The following RBMS2 variants were observed in gnomAD, a reference collection of about 807,000 sequenced individuals.
RBMS2 encodes the protein RNA-binding motif, single-stranded-interacting protein 2.
In RBMS2, 38 loss-of-function variants were observed where a neutral mutation model predicts 58.4. The ratio of observed to expected loss-of-function variants is 0.65; its 90% CI spans 0.50 to 0.85. The LOEUF is 0.85. Ranked by LOEUF, RBMS2 falls within the 40% of genes least tolerant of loss-of-function variation. RBMS2 has a pLI of 0.00. For missense variants in RBMS2, 367 were observed against 503.7 expected (o/e 0.73, Z 2.60); for synonymous variants, 151 against 180.7 (o/e 0.84, Z 1.32).
rs549785279 is a variant in RBMS2 at position 56,595,901 on chromosome 12, G to C, written c.*6768G>C. ...CCGTCTCCCCCTCAGGTGTGTAGAA[G>C]GGAAGATGAATACACAGAGTCTTTT... On this transcript the variant is annotated 3_prime_UTR_variant, in exon 14 of 14. Coordinates refer to ENST00000262031, the MANE Select transcript of RBMS2 (RefSeq NM_002898.4). 1 of 90,106 alleles carries C rather than the reference G, an allele frequency of 1.1e-5. No individual in the cohort carries two copies. The highest frequency in any genetic ancestry group is 2.5e-5 in the Non-Finnish European group (1 of 39,372). 5.6% of individuals were successfully genotyped at this position (90,106 alleles called of 1,614,324 possible).
rs1246276397 is a variant in RBMS2, at chr12:56,592,118, A to G, written c.*2985A>G. On this transcript the variant is annotated 3_prime_UTR_variant, in exon 14 of 14. Transcript: ENST00000262031. ...GGTTGGGTTGATGGCAGAAGGAAAC[A>G]TAGGGGAGCCTTCCAGCTCACAGCC... The G allele has an allele frequency of 6.6e-6, 1 of 152,232 alleles. No individual in the cohort carries two copies. The highest frequency in any genetic ancestry group is 1.9e-4 in the East Asian group (1 of 5,198). The allele number at this position is 152,232 out of a possible 1,614,324, so 9.4% of individuals were successfully genotyped here. A position where few individuals can be genotyped will look rare whatever the true frequency, so the allele number is the denominator to read the frequency against.
At chr12:56,572,115 C>T (rs1198603793) in intron 5 of RBMS2, among the ~76,000 whole-genome samples, 1 of 151,718 alleles carries the variant, frequency 6.6e-6, no homozygotes, top group Non-Finnish European at 1.5e-5. Flanking sequence ...ATGGTGAAAC[C>T]CCGTCTCTAC....
intron 1 of RBMS2, among the ~76,000 whole-genome samples, chr12:56,542,719 T>A (rs1033302657): frequency 1.3e-4 from 19 of 151,500 alleles, no homozygotes; most frequent in Non-Finnish European, 2.5e-4. Flanking sequence ...AGGCTAATTT[T>A]AAAATTTTTT....
At chr12:56,526,492 A>C (rs1031463695) in intron 1 of RBMS2, among the ~76,000 whole-genome samples, 1 of 151,934 alleles carries the variant, frequency 6.6e-6, no homozygotes, top group Admixed American at 6.6e-5. Flanking sequence ...TATAATGCCT[A>C]ATAAAGGCGG....
At chr12:56,588,413 A>G in intron 12 of RBMS2, 39 bp downstream of exon 12, 1 of 1,555,674 alleles carries the variant, frequency 6.4e-7, no homozygotes. Flanking sequence ...AGATTAGGAA[A>G]ATGAACGGAG....
In RBMS2 at chr12:56,538,766, C is replaced by T. The variant is rs147323546; in HGVS notation, c.66+16677C>T. Among the ~76,000 whole-genome samples the T allele has an allele frequency of 5.2e-3, 796 of 152,216 alleles. 7 individuals are homozygous for T. Among genetic ancestry groups the T allele is most frequent in the African/African-American group, 0.018 (746 of 41,532 alleles). ...AAGTGCTGGGATTACAGGCGTGAGC[C>T]ACCGCACCTGGCCCTGATATCTTAA... On this transcript the variant is annotated intron_variant, in intron 1 of 13. Transcript: ENST00000262031.
At chr12:56,565,446 A>C (rs887952884) in intron 2 of RBMS2, among the ~76,000 whole-genome samples, 1 of 151,964 alleles carries the variant, frequency 6.6e-6, no homozygotes, top group Admixed American at 6.6e-5. Flanking sequence ...GGCTGGTTCA[A>C]TCCACAAGTG....
At chr12:56,532,714 T>G (rs1317724676) in intron 1 of RBMS2, among the ~76,000 whole-genome samples, 1 of 152,154 alleles carries the variant, frequency 6.6e-6, no homozygotes, top group East Asian at 1.9e-4. Flanking sequence ...TTTTCTTTTA[T>G]TATCTTGAAT....
At chr12:56,521,500 C>CTTTTTTTTTTTTTT (rs1871713749), upstream of RBMS2, among the ~76,000 whole-genome samples, 4 of 92,472 alleles carry the variant, frequency 4.3e-5, no homozygotes, top group Non-Finnish European at 8.3e-5. Context: ...CACTCTAACT[C>CTTTTTTTTTTTTTT]TGTTTTTTTT....
chr12:56,531,852 G>A (rs948135876), intron 1 of RBMS2, among the ~76,000 whole-genome samples: 11 of 150,620 alleles, frequency 7.3e-5, no homozygotes, highest in African/African-American at 2.0e-4. Context: ...ATATTTTGTC[G>A]AATTATTTTG....
At chr12:56,562,706 G>A in intron 2 of RBMS2, 123 bp downstream of exon 2, 1 of 1,121,080 alleles carries the variant, frequency 8.9e-7, no homozygotes, top group Non-Finnish European at 1.3e-6. Context: ...TCCTGTCTCA[G>A]TAGCTGGGAT....
intron 5 of RBMS2, chr12:56,573,184 T>C: frequency 2.0e-6 from 2 of 983,530 alleles, no homozygotes; most frequent in South Asian, 9.4e-5. Flanking sequence ...GAACAAGAAA[T>C]AGTTTCTCTT....
At chr12:56,557,556 G>A (rs554392820) in intron 1 of RBMS2, among the ~76,000 whole-genome samples, 6 of 152,122 alleles carry the variant, frequency 3.9e-5, no homozygotes, top group African/African-American at 1.4e-4. Context: ...CTGACTGTAA[G>A]CTCAATAAAG....
chr12:56,543,108 A>G (rs1320552890), intron 1 of RBMS2, among the ~76,000 whole-genome samples: 1 of 152,034 alleles, frequency 6.6e-6, no homozygotes, highest in Admixed American at 6.6e-5. Flanking sequence ...TCCTGGCCTC[A>G]ATGATTCTCC....
At chr12:56,530,474 C>T (rs753033790) in intron 1 of RBMS2, among the ~76,000 whole-genome samples, 6 of 149,306 alleles carry the variant, frequency 4.0e-5, no homozygotes, top group Non-Finnish European at 7.4e-5. Flanking sequence ...GATTCTCCTA[C>T]CTTGGCCTCC....
chr12:56,570,912 T>C (rs1882191633), intron 4 of RBMS2, among the ~76,000 whole-genome samples: 1 of 152,162 alleles, frequency 6.6e-6, no homozygotes, highest in Non-Finnish European at 1.5e-5. Context: ...ATGAGTATTA[T>C]ACATAGAGCT....
rs1031337018 is a variant in RBMS2, at chr12:56,590,633, G to A, written c.*1500G>A. On this transcript the variant is annotated 3_prime_UTR_variant, in exon 14 of 14. Coordinates refer to ENST00000262031, the MANE Select transcript of RBMS2 (RefSeq NM_002898.4). ...TGACACTCATGCAACTGTTGGGGAA[G>A]GACTGGACTGGGATCCTTGAATTCT... is the stretch of plus-strand genomic sequence containing the variant. 2.0e-5 allele frequency: 3 copies of A among 152,182 alleles called. No individual in the cohort carries two copies. The highest frequency in any genetic ancestry group is 2.4e-5 in the African/African-American group (1 of 41,430). 9.4% of individuals were successfully genotyped at this position (152,182 alleles called of 1,614,324 possible). A position where few individuals can be genotyped will look rare whatever the true frequency, so the allele number is the denominator to read the frequency against.
Position 56,586,902 on chromosome 12 carries a change from C to T in RBMS2, c.927C>T (p.His309=). 1.2e-6 allele frequency: 2 copies of T among 1,613,648 alleles called. No homozygotes were observed. Among genetic ancestry groups the T allele is most frequent in the East Asian group, 2.2e-5 (1 of 44,878 alleles). The change falls in exon 10 of 14, where the codon CAC becomes CAT. Residue 309 remains histidine, a synonymous_variant. Coordinates refer to ENST00000262031, the MANE Select transcript of RBMS2 (RefSeq NM_002898.4). ...LQVPNPSWMH[H]HSYLMQPSGS... ...TACCTAACCCATCCTGGATGCACCA[C>T]CATTCATACCTCATGCAGCCTTCAG... is the stretch of plus-strand genomic sequence containing the variant.
intron 5 of RBMS2, among the ~76,000 whole-genome samples, chr12:56,579,502 G>A (rs376302279): frequency 4.6e-5 from 7 of 151,886 alleles, no homozygotes; most frequent in African/African-American, 1.2e-4. Flanking sequence ...GTGTGGTGGC[G>A]GGCACCTGTA....
Sources: gnomAD v4.1 joint callset for allele counts (sites outside exome capture counted in the v4.1 genomes callset) on GRCh38, gnomAD v4.1.1 for gene constraint, MANE v1.5 for transcripts, NCBI Gene and HGNC (gene_info 2026-07-23, HGNC 2026-07-21) for gene names.